The following CYLD variants were observed in gnomAD, a reference collection of about 807,000 sequenced individuals.
The protein encoded by CYLD is ubiquitin carboxyl-terminal hydrolase CYLD.
A neutral mutation model predicts 104.5 loss-of-function variants in CYLD; 26 were observed. That is an observed-to-expected ratio of 0.25 (90% CI 0.18 to 0.35). The LOEUF (loss-of-function observed/expected upper bound fraction) is 0.35. Ranked by LOEUF, CYLD falls within the 10% of genes least tolerant of loss-of-function variation. The pLI, the probability that CYLD is intolerant of heterozygous loss-of-function variation, is 1.00. For missense variants in CYLD, 703 were observed against 1,136.1 expected, an observed-to-expected ratio of 0.62 and a Z score of 5.48; for synonymous variants, 385 against 399.9, an observed-to-expected ratio of 0.96 and a Z score of 0.45.
intron 13 of CYLD, chr16:50,787,246 G>A (rs1970935809): frequency 2.7e-6 from 1 of 367,930 alleles, no homozygotes; most frequent in Admixed American, 4.2e-5. Flanking sequence ...TCTCTCTTGT[G>A]GTGCAGAGTT....
At chr16:50,745,887 A>G (rs1216699280) in intron 2 of CYLD, among the ~76,000 whole-genome samples, 1 of 152,174 alleles carries the variant, frequency 6.6e-6, no homozygotes, top group Non-Finnish European at 1.5e-5. Context: ...TAAGACTTTA[A>G]CTATTTAACT....
chr16:50,766,376 A>G (rs898458767), intron 5 of CYLD, among the ~76,000 whole-genome samples: 1 of 152,232 alleles, frequency 6.6e-6, no homozygotes, highest in African/African-American at 2.4e-5. Context: ...GATTCCTTTC[A>G]AAACATTACT....
chr16:50,764,183 G>A (rs929728492), intron 5 of CYLD, among the ~76,000 whole-genome samples: 2 of 152,104 alleles, frequency 1.3e-5, no homozygotes, highest in Non-Finnish European at 2.9e-5. Flanking sequence ...TCCTTGTCTG[G>A]TTTTGGAATC....
rs774128660 is a variant in CYLD at position 50,794,178 on chromosome 16, G to A, written c.2470-34G>A. On this transcript the variant is annotated intron_variant, in intron 17 of 18. Coordinates refer to ENST00000427738, the MANE Select transcript of CYLD (RefSeq NM_001378743.1). This position sits in a 1 kb window ranked among gnomAD's most constrained non-coding sequence, Gnocchi z 4.1. ...CCTGACCTCGTGATCCACCAGCCTC[G>A]GCCTAATGACATTCTTTTCATGGTC... The A allele has an allele frequency of 2.5e-5, 40 of 1,583,402 alleles. No individual in the cohort carries two copies. Among genetic ancestry groups the A allele is most frequent in the Non-Finnish European group, 3.1e-5 (36 of 1,153,216 alleles).
In CYLD at chr16:50,798,816, G is replaced by A. The variant is rs1292022857; in HGVS notation, c.*2308G>A. The A allele has an allele frequency of 8.6e-6, 2 of 233,296 alleles. No homozygotes were observed. Among genetic ancestry groups the A allele is most frequent in the East Asian group, 6.0e-5 (1 of 16,746 alleles). The allele number at this position is 233,296 out of a possible 1,614,324, so 14.5% of individuals were successfully genotyped here. A position where few individuals can be genotyped will look rare whatever the true frequency, so the allele number is the denominator to read the frequency against. On this transcript the variant is annotated 3_prime_UTR_variant, in exon 19 of 19. Coordinates refer to ENST00000427738, the MANE Select transcript of CYLD (RefSeq NM_001378743.1). ...TCATCCATAAATGATTTCTGGCAAC[G>A]TCTTCTTCAGGTGGAGCTTGACGTC... is the stretch of plus-strand genomic sequence containing the variant.
chr16:50,750,077 G>A lies in CYLD; in HGVS notation c.379G>A (p.Val127Met), dbSNP rs1402238737. ...NRLSKGLQIDVGCPVKVQLRS... is the reference protein window; with the variant it reads ...NRLSKGLQIDMGCPVKVQLRS... ...ACTAAGTAAAGGCCTCCAAATAGACGTGGGCTGTCCTGTGAAAGTACAGCT... is the reference window on the plus strand; with the variant it reads ...ACTAAGTAAAGGCCTCCAAATAGACATGGGCTGTCCTGTGAAAGTACAGCT... Residue 127 changes from valine (V) to methionine (M), a missense_variant, in exon 3 of 19, where the codon GTG becomes ATG. Coordinates refer to ENST00000427738, the MANE Select transcript of CYLD (RefSeq NM_001378743.1). 5 of 1,614,110 alleles carry A rather than the reference G, an allele frequency of 3.1e-6. No homozygotes were observed. The highest frequency in any genetic ancestry group is 2.2e-5 in the East Asian group (1 of 44,880).
chr16:50,786,821 G>A (rs1970886389), intron 12 of CYLD, 34 bp from the exon 13 acceptor site: 1 of 1,370,202 alleles, frequency 7.3e-7, no homozygotes, highest in Non-Finnish European at 1.0e-6. Context: ...TTTAATACAT[G>A]CCAATATCAA....
In CYLD at chr16:50,764,679, A is replaced by G. The variant is rs533268931; in HGVS notation, c.913+10255A>G. 2.0e-5 allele frequency among the ~76,000 whole-genome samples: 3 copies of G among 152,270 alleles called. No homozygotes were observed. The South Asian group carries it at 6.2e-4, about 32-fold the overall frequency. On this transcript the variant is annotated intron_variant, in intron 5 of 18. Transcript: ENST00000427738. ...TGTAACTAGTGCATTTTTTAGGTCTAAGCCCGTAGTTCTCAGCCTGGGATG... is the reference window on the plus strand; with the variant it reads ...TGTAACTAGTGCATTTTTTAGGTCTGAGCCCGTAGTTCTCAGCCTGGGATG...
rs574585185 is a variant in CYLD, at chr16:50,777,755, C to G, written c.1022-70C>G. ...ATTAACATCATATTCATAATAATTT[C>G]TCTTACTAAAAAAAAACTTTGATGC... On this transcript the variant is annotated intron_variant, in intron 7 of 18. Transcript: ENST00000427738. 3.8e-6 allele frequency: 3 copies of G among 790,286 alleles called. No homozygotes were observed. In the Admixed American group the frequency reaches 5.5e-5, roughly 14 times the overall value. 49.0% of individuals were successfully genotyped at this position (790,286 alleles called of 1,614,324 possible).
intron 2 of CYLD, among the ~76,000 whole-genome samples, chr16:50,745,721 A>G (rs1332047154): frequency 6.6e-6 from 1 of 152,066 alleles, no homozygotes; most frequent in Non-Finnish European, 1.5e-5. Flanking sequence ...TGCCTAGCCT[A>G]GATGATGTAG....
intron 5 of CYLD, among the ~76,000 whole-genome samples, chr16:50,760,980 A>G (rs1346217195): frequency 6.6e-6 from 1 of 152,216 alleles, no homozygotes; most frequent in African/African-American, 2.4e-5. Context: ...AATCTGATAG[A>G]TAAAAAATAT....
intron 7 of CYLD, 111 bp downstream of exon 7, chr16:50,776,388 C>G: frequency 1.2e-6 from 1 of 816,658 alleles, no homozygotes; most frequent in South Asian, 1.5e-5. Flanking sequence ...GACTTTTTTT[C>G]TTTCAAACAT....
In CYLD at chr16:50,777,909, C is replaced by A. The variant is rs868433482; in HGVS notation, c.1106C>A (p.Ser369Tyr). The A allele has an allele frequency of 6.3e-7, 1 of 1,594,558 alleles. No homozygotes were observed. Among genetic ancestry groups the A allele is most frequent in the African/African-American group, 1.3e-5 (1 of 74,514 alleles). The change falls in exon 8 of 19, where the codon TCC (serine) becomes TAC (tyrosine). Residue 369 changes from serine (S) to tyrosine (Y), a missense_variant. Physicochemically the swap from Ser to Tyr is moderately radical, Grantham distance 144. This residue lies in a region of CYLD where 183 missense variants were observed against 212.1 expected (regional missense o/e 0.86). Coordinates refer to ENST00000427738, the MANE Select transcript of CYLD (RefSeq NM_001378743.1). ...NGSSVDSQPQSKSKNTWYIDE... is the reference protein window; with the variant it reads ...NGSSVDSQPQYKSKNTWYIDE... ...TCTTCTGTTGACTCACAACCACAAT[C>A]CAAATCAAAAAATACATGGTACATT...
At chr16:50,784,168 A>G in intron 11 of CYLD, 161 bp from the exon 12 acceptor site, 4 of 669,060 alleles carry the variant, frequency 6.0e-6, no homozygotes, top group East Asian at 3.0e-5. Flanking sequence ...AACCATGGGT[A>G]TCTTCACAGG....
At chr16:50,758,429 TG>T (rs1265983946) in intron 5 of CYLD, among the ~76,000 whole-genome samples, 2 of 151,918 alleles carry the variant, frequency 1.3e-5, no homozygotes, top group Admixed American at 6.6e-5. Flanking sequence ...GTGACAGAGG[TG>T]GGGAGCTATA....
chr16:50,784,100 T>G, intron 11 of CYLD: 1 of 471,104 alleles, frequency 2.1e-6, no homozygotes, highest in East Asian at 4.1e-5. Flanking sequence ...GCCGTTTGCT[T>G]TCTCAGTATT....
chr16:50,792,275 A>G (rs890099645), intron 15 of CYLD, among the ~76,000 whole-genome samples: 10 of 152,166 alleles, frequency 6.6e-5, no homozygotes, highest in Non-Finnish European at 1.5e-5. Flanking sequence ...CATTTTCTGT[A>G]TTATATTTGC....
chr16:50,798,420 A>T lies in CYLD; in HGVS notation c.*1912A>T. ...TCTTTATGTAGCATTTACATTTATTAGGTATTATAAGTAATCTAGAGATTA... is the reference window on the plus strand; with the variant it reads ...TCTTTATGTAGCATTTACATTTATTTGGTATTATAAGTAATCTAGAGATTA... On this transcript the variant is annotated 3_prime_UTR_variant, in exon 19 of 19. Coordinates refer to ENST00000427738, the MANE Select transcript of CYLD (RefSeq NM_001378743.1). 1 of 232,140 alleles carries T rather than the reference A, an allele frequency of 4.3e-6. No homozygotes were observed. Among genetic ancestry groups the T allele is most frequent in the East Asian group, 6.1e-5 (1 of 16,388 alleles). 14.4% of individuals were successfully genotyped at this position (232,140 alleles called of 1,614,324 possible).
chr16:50,748,219 A>G (rs1314369696), intron 2 of CYLD, among the ~76,000 whole-genome samples: 1 of 152,230 alleles, frequency 6.6e-6, no homozygotes, highest in African/African-American at 2.4e-5. Context: ...AGATAGCCAC[A>G]TTCTTATGAC....
Sources: allele counts gnomAD v4.1 joint callset (sites outside exome capture counted in the v4.1 genomes callset), GRCh38; gene constraint gnomAD v4.1.1; regional missense constraint gnomAD v4.1.1; non-coding constraint Gnocchi (gnomAD v3.1); transcripts MANE v1.5; gene names NCBI Gene and HGNC (gene_info 2026-07-23, HGNC 2026-07-21).